Variants in DCAF17 observed in about 807,000 individuals in gnomAD.
The protein encoded by DCAF17 is DDB1 and CUL4 associated factor 17, also known as DDB1- and CUL4-associated factor 17.
DCAF17 carries 48 observed loss-of-function variants against 66.0 expected under a neutral mutation model. The observed-to-expected ratio is 0.73, with a 90% confidence interval of 0.58 to 0.92. The LOEUF (loss-of-function observed/expected upper bound fraction) is 0.92. DCAF17 is among the 40% of genes least tolerant of loss of function. The pLI is 0.00. For synonymous variants in DCAF17, 206 were observed against 214.6 expected, an observed-to-expected ratio of 0.96 and a Z score of 0.35; for missense variants, 562 against 622.8, an observed-to-expected ratio of 0.90 and a Z score of 1.04.
rs1421174220 is a variant in DCAF17, at chr2:171,483,868, A to G, written c.*2754A>G. The G allele has an allele frequency of 1.3e-5, 6 of 454,112 alleles. No individual in the cohort carries two copies. Among genetic ancestry groups the G allele is most frequent in the Non-Finnish European group, 2.6e-5 (6 of 226,786 alleles). The allele number at this position is 454,112 out of a possible 1,614,324, so 28.1% of individuals were successfully genotyped here. A position where few individuals can be genotyped will look rare whatever the true frequency, so the allele number is the denominator to read the frequency against. The stretch of plus-strand genomic sequence containing the variant: ...CAGTGCAGAGGTGGGAAACATAACC[A>G]GATTTGTTCGGCATGAACTTGTGCC... On this transcript the variant is annotated 3_prime_UTR_variant, in exon 14 of 14. Coordinates refer to ENST00000375255, the MANE Select transcript of DCAF17 (RefSeq NM_025000.4).
At chr2:171,442,756 TG>T (rs1219567558) in intron 2 of DCAF17, among the ~76,000 whole-genome samples, 1 of 151,772 alleles carries the variant, frequency 6.6e-6, no homozygotes. Flanking sequence ...AGCATGAGCT[TG>T]TAGTCCCAGT....
At chr2:171,458,645 A>C (rs1447496760) in intron 8 of DCAF17, among the ~76,000 whole-genome samples, 168 bp downstream of exon 8, 1 of 152,202 alleles carries the variant, frequency 6.6e-6, no homozygotes, top group African/African-American at 2.4e-5. Flanking sequence ...AGCTTCGAGG[A>C]AAATCTGTCA....
At chr2:171,453,262 TG>T (rs774670596) in intron 6 of DCAF17, 49 bp downstream of exon 6, 1 of 1,297,974 alleles carries the variant, frequency 7.7e-7, no homozygotes, top group Admixed American at 1.9e-5. Flanking sequence ...GACAATAAGT[TG>T]TAATGTCATT....
At position 171,484,706 on chromosome 2, in the gene DCAF17, A is replaced by T. The variant is rs1363070112; in HGVS notation, c.*3592A>T. 2.2e-6 allele frequency: 1 copy of T among 454,038 alleles called. No individual in the cohort carries two copies. The highest frequency in any genetic ancestry group is 6.9e-5 in the East Asian group (1 of 14,396). The allele number at this position is 454,038 out of a possible 1,614,324, so 28.1% of individuals were successfully genotyped here. On this transcript the variant is annotated 3_prime_UTR_variant, in exon 14 of 14. Coordinates refer to ENST00000375255, the MANE Select transcript of DCAF17 (RefSeq NM_025000.4). ...CCTTTCCAAAATTTAGACCATTGCA[A>T]TCATCTTCAGAAAGTTTCCTAAATC...
chr2:171,457,486 A>G (rs1314434696), intron 6 of DCAF17, among the ~76,000 whole-genome samples: 1 of 152,250 alleles, frequency 6.6e-6, no homozygotes, highest in Admixed American at 6.5e-5. Flanking sequence ...GGATTGAAGA[A>G]CATCTTTCAC....
At chr2:171,460,417 C>CT (rs35132997) in intron 8 of DCAF17, among the ~76,000 whole-genome samples, 1 of 151,488 alleles carries the variant, frequency 6.6e-6, no homozygotes, top group South Asian at 2.1e-4. Context: ...AGTTTTATCC[C>CT]TTTTTTTAGA....
intron 8 of DCAF17, among the ~76,000 whole-genome samples, chr2:171,466,444 C>A (rs1458819505): frequency 6.6e-6 from 1 of 152,054 alleles, no homozygotes; most frequent in Admixed American, 6.6e-5. Context: ...TGCTGGCTCT[C>A]CTACTCTTTT....
chr2:171,477,768 A>G (rs1574404911), intron 11 of DCAF17, among the ~76,000 whole-genome samples: 1 of 152,198 alleles, frequency 6.6e-6, no homozygotes, highest in African/African-American at 2.4e-5. Flanking sequence ...GTGAGGCAAG[A>G]TCGCACCACG....
chr2:171,478,567 T>C (rs183048169), intron 12 of DCAF17, among the ~76,000 whole-genome samples: 2 of 152,340 alleles, frequency 1.3e-5, no homozygotes, highest in African/African-American at 4.8e-5. Flanking sequence ...AGTAATACAT[T>C]TTTATCCCCT....
Position 171,484,663 on chromosome 2 carries a change from C to T in DCAF17, c.*3549C>T, listed in dbSNP as rs1170736253. ...TTTACTGAGTTCTTGCAGACATATA[C>T]ACCTGTGTAACCCAAACCCTTTCCA... On this transcript the variant is annotated 3_prime_UTR_variant, in exon 14 of 14. Coordinates refer to ENST00000375255, the MANE Select transcript of DCAF17 (RefSeq NM_025000.4). 2 of 453,854 alleles carry T rather than the reference C, an allele frequency of 4.4e-6. No homozygotes were observed. The highest frequency in any genetic ancestry group is 8.8e-6 in the Non-Finnish European group (2 of 226,750). 28.1% of individuals were successfully genotyped at this position (453,854 alleles called of 1,614,324 possible).
At chr2:171,466,238 G>GA (rs1444051969) in intron 8 of DCAF17, among the ~76,000 whole-genome samples, 14 of 152,052 alleles carry the variant, frequency 9.2e-5, no homozygotes, top group Admixed American at 6.5e-4. Flanking sequence ...AAAAATTCTA[G>GA]AAAAAATCAT....
chr2:171,450,681 C>T (rs1048776106), intron 5 of DCAF17, among the ~76,000 whole-genome samples: 6 of 152,116 alleles, frequency 3.9e-5, no homozygotes, highest in African/African-American at 1.2e-4. Context: ...TGTGTCTCCC[C>T]TTGGCAGAGT....
chr2:171,480,916 A>G, intron 13 of DCAF17, 58 bp from the exon 14 acceptor site: 4 of 1,598,598 alleles, frequency 2.5e-6, no homozygotes, highest in Non-Finnish European at 3.4e-6. Context: ...CATTTTAGTA[A>G]CACAGTAGTG....
chr2:171,439,511 CTTTTTTTT>C (rs374646610), intron 2 of DCAF17, among the ~76,000 whole-genome samples: 1 of 94,774 alleles, frequency 1.1e-5, no homozygotes, highest in Non-Finnish European at 2.1e-5. Flanking sequence ...CTTTTTTTTC[CTTTTTTTT>C]TTTTTTTTTT....
At chr2:171,456,673 A>C (rs1273007797) in intron 6 of DCAF17, among the ~76,000 whole-genome samples, 1 of 151,394 alleles carries the variant, frequency 6.6e-6, no homozygotes, top group East Asian at 1.9e-4. Flanking sequence ...ATCTTTGTAG[A>C]TCTCCTTGTA....
chr2:171,481,142 G>C lies in DCAF17; in HGVS notation c.*28G>C. On this transcript the variant is annotated 3_prime_UTR_variant, in exon 14 of 14. Transcript: ENST00000375255. ...AGAGTGAGATAATTGTAACCTAAGA[G>C]ACTTTTAGCCAAACACCCCAGCAGC... is the stretch of plus-strand genomic sequence containing the variant. 6.2e-7 allele frequency: 1 copy of C among 1,612,910 alleles called. No individual in the cohort carries two copies. Among genetic ancestry groups the C allele is most frequent in the Non-Finnish European group, 8.5e-7 (1 of 1,179,216 alleles).
intron 3 of DCAF17, among the ~76,000 whole-genome samples, chr2:171,446,045 T>C (rs1694603081): frequency 6.6e-6 from 1 of 152,124 alleles, no homozygotes; most frequent in Admixed American, 6.6e-5. Context: ...AATGCATTTA[T>C]ATCATTGCCC....
Position 171,484,085 on chromosome 2 carries a change from A to G in DCAF17, c.*2971A>G, listed in dbSNP as rs576169953. The G allele has an allele frequency of 1.1e-3, 502 of 454,066 alleles. 1 individual carries two copies. The highest frequency in any genetic ancestry group is 2.9e-3 in the Admixed American group (123 of 42,562). The allele number at this position is 454,066 out of a possible 1,614,324, so 28.1% of individuals were successfully genotyped here. ...AAATTGACAGAAAATGTAGTTCTTC[A>G]TTCAATGGTTAGCAGTCATTAAAAG... On this transcript the variant is annotated 3_prime_UTR_variant, in exon 14 of 14. Coordinates refer to ENST00000375255, the MANE Select transcript of DCAF17 (RefSeq NM_025000.4).
intron 10 of DCAF17, 176 bp downstream of exon 10, chr2:171,474,151 A>T: frequency 3.2e-6 from 2 of 626,926 alleles, no homozygotes; most frequent in Non-Finnish European, 5.7e-6. Context: ...GAGACTCAAC[A>T]TTACTGTTTG....
Sources: allele counts gnomAD v4.1 joint callset (sites outside exome capture counted in the v4.1 genomes callset), GRCh38; gene constraint gnomAD v4.1.1; transcripts MANE v1.5; gene names NCBI Gene and HGNC (gene_info 2026-07-23, HGNC 2026-07-21).